The following KCNT2 variants were observed in gnomAD, a reference collection of about 807,000 sequenced individuals.
KCNT2 encodes potassium sodium-activated channel subfamily T member 2.
In KCNT2, 67 loss-of-function variants were observed where a neutral mutation model predicts 153.8. The observed-to-expected ratio is 0.44, with a 90% CI of 0.36 to 0.53. The LOEUF is 0.53. KCNT2 is among the 20% of genes least tolerant of loss of function. The pLI, the probability that KCNT2 is intolerant of heterozygous loss-of-function variation, is 0.00. For missense variants in KCNT2, 975 were observed against 1,354.8 expected (o/e 0.72, Z 4.40); for synonymous variants, 500 against 458.8 (o/e 1.09, Z -1.15).
chr1:196,343,536 T>A (rs537302681), intron 14 of KCNT2, among the ~76,000 whole-genome samples: 2 of 152,308 alleles, frequency 1.3e-5, no homozygotes, highest in Middle Eastern at 3.4e-3. Context: ...TGTTTAGGAC[T>A]TTAAAGGCCA....
At chr1:196,259,137 A>G (rs983976919) in intron 25 of KCNT2, among the ~76,000 whole-genome samples, 3 of 152,300 alleles carry the variant, frequency 2.0e-5, no homozygotes, top group Non-Finnish European at 4.4e-5. Context: ...TATTCTAAGT[A>G]TTCTGAGTGA....
At chr1:196,395,733 T>C (rs1033536981) in intron 13 of KCNT2, among the ~76,000 whole-genome samples, 1 of 151,626 alleles carries the variant, frequency 6.6e-6, no homozygotes, top group African/African-American at 2.4e-5. Context: ...TTTTGACAAA[T>C]TTATTATAAA....
chr1:196,352,100 G>A (rs1399878742), intron 14 of KCNT2, among the ~76,000 whole-genome samples: 5 of 151,948 alleles, frequency 3.3e-5, no homozygotes, highest in African/African-American at 7.2e-5. Context: ...TGCTGGATTC[G>A]GTTTGCCAGT....
chr1:196,405,281 G>A (rs1671737180), intron 12 of KCNT2, among the ~76,000 whole-genome samples: 1 of 151,116 alleles, frequency 6.6e-6, no homozygotes, highest in Non-Finnish European at 1.5e-5. Context: ...TGTTTATTGT[G>A]ATAACCTTAG....
chr1:196,344,896 T>C (rs937174902), intron 14 of KCNT2, among the ~76,000 whole-genome samples: 5 of 152,188 alleles, frequency 3.3e-5, no homozygotes, highest in African/African-American at 1.2e-4. Context: ...TTATGATTTC[T>C]TCAAAACCTC....
chr1:196,374,756 T>A (rs7513135), intron 13 of KCNT2, among the ~76,000 whole-genome samples: 16,025 of 151,576 alleles, frequency 0.11, 1,217 homozygotes, highest in African/African-American at 0.22. Flanking sequence ...GAAAATAGAG[T>A]GACAAAACTG....
chr1:196,506,142 T>C (rs1681118304), intron 1 of KCNT2, among the ~76,000 whole-genome samples: 1 of 152,166 alleles, frequency 6.6e-6, no homozygotes, highest in East Asian at 1.9e-4. Context: ...TTCTGTAGTA[T>C]AGTGTAAGAG....
intron 14 of KCNT2, among the ~76,000 whole-genome samples, chr1:196,370,315 A>C (rs1668412280): frequency 6.6e-6 from 1 of 152,144 alleles, no homozygotes; most frequent in South Asian, 2.1e-4. Flanking sequence ...AAAATTGAGA[A>C]GCATTAAAAT....
In KCNT2 at chr1:196,555,042, G is replaced by GA. The variant is rs199675736; in HGVS notation, c.95+53172dup. ...TCACAGATAGTATCATACTGCATGGGAAAAAAACTGGCAACCTTTCCTCTA... is the reference window on the plus strand; with the variant it reads ...TCACAGATAGTATCATACTGCATGGGAAAAAAAACTGGCAACCTTTCCTCTA... On this transcript the variant is annotated intron_variant, in intron 1 of 27. Coordinates refer to ENST00000294725, the MANE Select transcript of KCNT2 (RefSeq NM_198503.5). 3.0e-3 allele frequency among the ~76,000 whole-genome samples: 459 copies of GA among 151,106 alleles called. 3 individuals are homozygous for GA. The highest frequency in any genetic ancestry group is 0.01 in the African/African-American group (434 of 41,376).
chr1:196,238,373 T>C (rs763387549), intron 26 of KCNT2, among the ~76,000 whole-genome samples: 4 of 151,946 alleles, frequency 2.6e-5, no homozygotes, highest in African/African-American at 4.8e-5. Flanking sequence ...CTGAAGATAT[T>C]TATTTTCCCA....
intron 21 of KCNT2, among the ~76,000 whole-genome samples, chr1:196,313,134 G>A (rs1166534250): frequency 2.6e-5 from 4 of 151,604 alleles, no homozygotes; most frequent in Admixed American, 2.0e-4. Context: ...TTGAATCTGG[G>A]TAAGGAAGGG....
chr1:196,241,091 A>G (rs1237973235), intron 26 of KCNT2, among the ~76,000 whole-genome samples: 1 of 152,114 alleles, frequency 6.6e-6, no homozygotes, highest in Non-Finnish European at 1.5e-5. Context: ...AGAGAAGGAG[A>G]CAGAGAATTT....
intron 1 of KCNT2, among the ~76,000 whole-genome samples, chr1:196,576,447 G>A (rs762294247): frequency 6.6e-6 from 1 of 152,086 alleles, no homozygotes; most frequent in Non-Finnish European, 1.5e-5. Flanking sequence ...CGCCAAACTT[G>A]TTGGGAATAC....
At chr1:196,407,140 C>T (rs1213814136) in intron 12 of KCNT2, among the ~76,000 whole-genome samples, 1 of 151,392 alleles carries the variant, frequency 6.6e-6, no homozygotes, top group Admixed American at 6.6e-5. Flanking sequence ...TTGAAGGAAA[C>T]TTCCCTCAAC....
intron 3 of KCNT2, among the ~76,000 whole-genome samples, chr1:196,485,727 G>A (rs890691877): frequency 1.3e-5 from 2 of 151,636 alleles, no homozygotes; most frequent in African/African-American, 4.8e-5. Context: ...TTAACATTAA[G>A]TTGGATAAAT....
At chr1:196,355,478 G>A (rs1667100743) in intron 14 of KCNT2, among the ~76,000 whole-genome samples, 1 of 151,658 alleles carries the variant, frequency 6.6e-6, no homozygotes, top group Non-Finnish European at 1.5e-5. Flanking sequence ...TAGTTTTCAA[G>A]CATTATTGAC....
intron 19 of KCNT2, among the ~76,000 whole-genome samples, chr1:196,320,117 C>A (rs901135930): frequency 6.6e-6 from 1 of 151,570 alleles, no homozygotes; most frequent in Non-Finnish European, 1.5e-5. Flanking sequence ...GAAAGTAATG[C>A]ATTTTTAAAT....
At chr1:196,467,601 C>A (rs1210655975) in intron 7 of KCNT2, 102 bp downstream of exon 7, 2 of 644,894 alleles carry the variant, frequency 3.1e-6, no homozygotes, top group East Asian at 5.6e-5. Context: ...TTAGAAAGTT[C>A]AAGACTAGAT....
At chr1:196,298,900 C>A (rs1660920677) in intron 22 of KCNT2, among the ~76,000 whole-genome samples, 1 of 150,428 alleles carries the variant, frequency 6.6e-6, no homozygotes, top group African/African-American at 2.5e-5. Context: ...GGACAAAGAC[C>A]AAGTATTTAT....
Sources: allele counts gnomAD v4.1 joint callset (sites outside exome capture counted in the v4.1 genomes callset), GRCh38; gene constraint gnomAD v4.1.1; transcripts MANE v1.5; gene names NCBI Gene and HGNC (gene_info 2026-07-23, HGNC 2026-07-21).